The following BRINP3 variants were observed in gnomAD, a reference collection of about 807,000 sequenced individuals.
BRINP3 encodes the protein BMP/retinoic acid inducible neural specific 3, also known as BMP/retinoic acid-inducible neural-specific protein 3.
A neutral mutation model predicts 71.0 loss-of-function variants in BRINP3; 19 were observed. That is an observed-to-expected ratio of 0.27 (90% CI 0.19 to 0.39). BRINP3 has a LOEUF of 0.39. Among genes scored for constraint, BRINP3 ranks in the 10% least tolerant of loss-of-function variants. BRINP3 has a pLI of 1.00. For synonymous variants in BRINP3, 380 were observed against 337.7 expected, an observed-to-expected ratio of 1.13 and a Z score of -1.37; for missense variants, 959 against 940.8, an observed-to-expected ratio of 1.02 and a Z score of -0.25.
intron 2 of BRINP3, among the ~76,000 whole-genome samples, chr1:190,405,157 G>A (rs12751085): frequency 1.3e-5 from 2 of 151,954 alleles, no homozygotes; most frequent in South Asian, 4.1e-4. Context: ...TATTTTTAAA[G>A]AATCAGAAAC....
chr1:190,331,372 T>C (rs528975880), intron 2 of BRINP3, among the ~76,000 whole-genome samples: 20 of 152,158 alleles, frequency 1.3e-4, no homozygotes, highest in Middle Eastern at 6.8e-3. Flanking sequence ...TATGAAAACT[T>C]ACTGTCGTCT....
chr1:190,324,490 C>T (rs1666454816), intron 2 of BRINP3, among the ~76,000 whole-genome samples: 1 of 151,848 alleles, frequency 6.6e-6, no homozygotes, highest in Non-Finnish European at 1.5e-5. Context: ...TAATAAATCA[C>T]TGATAAATGA....
At chr1:190,202,749 C>T (rs1655117503) in intron 6 of BRINP3, among the ~76,000 whole-genome samples, 1 of 152,092 alleles carries the variant, frequency 6.6e-6, no homozygotes, top group South Asian at 2.1e-4. Flanking sequence ...TGCCTGTCAT[C>T]ATCCATATAA....
At chr1:190,319,635 G>A (rs1021077741) in intron 2 of BRINP3, among the ~76,000 whole-genome samples, 7 of 152,034 alleles carry the variant, frequency 4.6e-5, no homozygotes, top group East Asian at 1.9e-4. Context: ...TACATGGCCC[G>A]AGCAAGAGCA....
intron 6 of BRINP3, among the ~76,000 whole-genome samples, chr1:190,188,127 T>C (rs1399750647): frequency 6.6e-6 from 1 of 152,114 alleles, no homozygotes; most frequent in Non-Finnish European, 1.5e-5. Context: ...AACATTTTTG[T>C]ACCTATTGTA....
At chr1:190,175,814 G>A (rs1652454596) in intron 6 of BRINP3, among the ~76,000 whole-genome samples, 1 of 152,040 alleles carries the variant, frequency 6.6e-6, no homozygotes, top group African/African-American at 2.4e-5. Context: ...ACATTTTGCT[G>A]CAGTAACAAA....
At chr1:190,402,084 T>C (rs1671963672) in intron 2 of BRINP3, among the ~76,000 whole-genome samples, 1 of 152,076 alleles carries the variant, frequency 6.6e-6, no homozygotes, top group African/African-American at 2.4e-5. Context: ...TACATAATCA[T>C]ACTTATCACT....
At chr1:190,278,787 G>T (rs986067913) in intron 3 of BRINP3, among the ~76,000 whole-genome samples, 3 of 151,328 alleles carry the variant, frequency 2.0e-5, no homozygotes, top group African/African-American at 7.3e-5. Context: ...AAATCATTTA[G>T]AGAGAGCATA....
chr1:190,416,497 GT>G (rs1673011340), intron 2 of BRINP3, among the ~76,000 whole-genome samples: 1 of 152,086 alleles, frequency 6.6e-6, no homozygotes, highest in Non-Finnish European at 1.5e-5. Context: ...AACTTCAGCG[GT>G]TAAACTACAC....
At chr1:190,340,458 G>A (rs1667582020) in intron 2 of BRINP3, among the ~76,000 whole-genome samples, 1 of 151,748 alleles carries the variant, frequency 6.6e-6, no homozygotes, top group Admixed American at 6.6e-5. Flanking sequence ...CTTATTGATT[G>A]ATTTATCTCT....
intron 6 of BRINP3, among the ~76,000 whole-genome samples, chr1:190,199,469 C>T (rs2102604570): frequency 6.6e-6 from 1 of 152,144 alleles, no homozygotes; most frequent in Non-Finnish European, 1.5e-5. Context: ...AACATTTTAC[C>T]TCCAACCTCA....
chr1:190,108,299 C>T (rs192945226), intron 7 of BRINP3, among the ~76,000 whole-genome samples: 3 of 151,774 alleles, frequency 2.0e-5, no homozygotes, highest in East Asian at 3.9e-4. Flanking sequence ...ATAGGTTATA[C>T]GGCCCTTACA....
At chr1:190,407,953 T>G (rs146574005) in intron 2 of BRINP3, among the ~76,000 whole-genome samples, 25 of 151,840 alleles carry the variant, frequency 1.6e-4, no homozygotes, top group African/African-American at 5.8e-4. Flanking sequence ...CATTGGAATG[T>G]CTTTTATATT....
chr1:190,448,162 C>T (rs1181608405), intron 2 of BRINP3, among the ~76,000 whole-genome samples: 1 of 151,598 alleles, frequency 6.6e-6, no homozygotes, highest in African/African-American at 2.4e-5. Context: ...ACTATTAAAA[C>T]TGAATTCTCA....
intron 6 of BRINP3, among the ~76,000 whole-genome samples, chr1:190,165,628 G>C (rs1651460739): frequency 2.0e-5 from 3 of 150,430 alleles, no homozygotes; most frequent in South Asian, 4.2e-4. Flanking sequence ...GCTATTTCTT[G>C]TTTCTTGAGA....
chr1:190,436,129 T>C (rs1674438636), intron 2 of BRINP3, among the ~76,000 whole-genome samples: 1 of 151,948 alleles, frequency 6.6e-6, no homozygotes, highest in African/African-American at 2.4e-5. Context: ...AATAAAATTT[T>C]TGCCCTGCTT....
intron 2 of BRINP3, among the ~76,000 whole-genome samples, chr1:190,308,233 T>C (rs1665256944): frequency 2.0e-5 from 3 of 150,234 alleles, no homozygotes; most frequent in Admixed American, 1.3e-4. Context: ...AACGGCAACC[T>C]AAACATAATT....
intron 2 of BRINP3, among the ~76,000 whole-genome samples, chr1:190,405,315 G>T (rs1032126289): frequency 1.3e-5 from 2 of 151,724 alleles, no homozygotes; most frequent in African/African-American, 4.8e-5. Flanking sequence ...GCCAGGCGTG[G>T]TGGCGGGCGC....
intron 2 of BRINP3, among the ~76,000 whole-genome samples, chr1:190,387,124 C>T (rs1173520321): frequency 1.3e-5 from 2 of 151,928 alleles, no homozygotes; most frequent in African/African-American, 4.8e-5. Flanking sequence ...ATTTGGCAGA[C>T]ATCTAGTCAG....
Sources: gnomAD v4.1 joint callset for allele counts (sites outside exome capture counted in the v4.1 genomes callset) on GRCh38, gnomAD v4.1.1 for gene constraint, MANE v1.5 for transcripts, NCBI Gene and HGNC (gene_info 2026-07-23, HGNC 2026-07-21) for gene names.